Variants in CCDC148 observed in about 807,000 individuals in gnomAD.
CCDC148 encodes coiled-coil domain containing 148.
In CCDC148, 89 loss-of-function variants were observed where a neutral mutation model predicts 85.7. That is an observed-to-expected ratio of 1.04 (90% CI 0.87 to 1.24). CCDC148 has a LOEUF of 1.24. Among genes scored for constraint, CCDC148 ranks in the 50% most tolerant of loss-of-function variants. CCDC148 has a pLI of 0.00. For missense variants in CCDC148, 692 were observed against 671.7 expected (o/e 1.03, Z -0.33); for synonymous variants, 230 against 213.9 (o/e 1.08, Z -0.66).
chr2:158,347,985 G>A (rs1304498867), intron 2 of CCDC148, among the ~76,000 whole-genome samples: 2 of 152,068 alleles, frequency 1.3e-5, no homozygotes, highest in Non-Finnish European at 2.9e-5. Flanking sequence ...AAAACACTGT[G>A]AGGCTACAGA....
At chr2:158,437,427 G>A (rs1441519874) in intron 1 of CCDC148, among the ~76,000 whole-genome samples, 4 of 152,116 alleles carry the variant, frequency 2.6e-5, no homozygotes, top group South Asian at 2.1e-4. Context: ...AAATTCAACA[G>A]CGCTTCATGC....
rs570328147 is a variant in CCDC148, at chr2:158,281,257, A to C, written c.1110+28176T>G. Among the ~76,000 whole-genome samples, 1,460 of 152,268 alleles carry C rather than the reference A, an allele frequency of 9.6e-3. 19 individuals carry two copies. Among genetic ancestry groups the C allele is most frequent in the African/African-American group, 0.033 (1,352 of 41,554 alleles). ...GCAAACACATTCAAAAGCTAGCAGA[A>C]GGCAAGAAATAACGAAAATCAGAGC... On this transcript the variant is annotated intron_variant, in intron 9 of 13. Coordinates refer to ENST00000283233, the MANE Select transcript of CCDC148 (RefSeq NM_138803.4).
chr2:158,247,198 G>C lies in CCDC148; in HGVS notation c.1251+3574C>G, dbSNP rs528745014. Among the ~76,000 whole-genome samples the C allele has an allele frequency of 8.5e-5, 13 of 152,252 alleles. No homozygotes were observed. In the South Asian group the frequency reaches 2.3e-3, roughly 27 times the overall value. ...AAATGGATTTTAAAAGTATGAATAA[G>C]TGAGTTACAGAGAAAGAAAACTCTC... On this transcript the variant is annotated intron_variant, in intron 10 of 13. Transcript: ENST00000283233.
intron 7 of CCDC148, among the ~76,000 whole-genome samples, chr2:158,317,631 T>G (rs994052771): frequency 1.7e-4 from 26 of 152,230 alleles, no homozygotes; most frequent in African/African-American, 6.3e-4. Context: ...GTGGTCCTCA[T>G]AGCCATGTTT....
chr2:158,275,555 G>A (rs2105167131), intron 9 of CCDC148, among the ~76,000 whole-genome samples: 1 of 152,190 alleles, frequency 6.6e-6, no homozygotes, highest in South Asian at 2.1e-4. Context: ...TATGAACAAA[G>A]AGGCCTAACG....
chr2:158,273,995 C>T (rs1689812309), intron 9 of CCDC148, among the ~76,000 whole-genome samples: 1 of 152,192 alleles, frequency 6.6e-6, no homozygotes, highest in African/African-American at 2.4e-5. Context: ...CCAAGGGTTA[C>T]TGGCCTCCAG....
intron 7 of CCDC148, among the ~76,000 whole-genome samples, chr2:158,337,166 C>G (rs902785579): frequency 6.6e-5 from 10 of 152,116 alleles, no homozygotes; most frequent in African/African-American, 2.2e-4. Flanking sequence ...GGAAGAAAGC[C>G]ATTTTAGACT....
At chr2:158,352,979 C>A (rs1683403464) in intron 2 of CCDC148, among the ~76,000 whole-genome samples, 1 of 149,880 alleles carries the variant, frequency 6.7e-6, no homozygotes. Flanking sequence ...CCAAACTAAG[C>A]TTCATAAGTG....
intron 1 of CCDC148, among the ~76,000 whole-genome samples, chr2:158,417,938 A>C (rs1410046653): frequency 6.6e-6 from 1 of 152,208 alleles, no homozygotes; most frequent in East Asian, 1.9e-4. Flanking sequence ...CTGCTCTTAT[A>C]AAACTTTGGC....
At chr2:158,279,196 A>C (rs1690128728) in intron 9 of CCDC148, among the ~76,000 whole-genome samples, 1 of 152,178 alleles carries the variant, frequency 6.6e-6, no homozygotes, top group South Asian at 2.1e-4. Context: ...GAGCAGAAAA[A>C]CTGGAAACTC....
chr2:158,401,405 A>G (rs1407509394), intron 1 of CCDC148, among the ~76,000 whole-genome samples: 1 of 152,176 alleles, frequency 6.6e-6, no homozygotes, highest in Non-Finnish European at 1.5e-5. Context: ...TTGCAGGGAC[A>G]TGGATGAAGC....
At chr2:158,262,686 C>T (rs940684833) in intron 9 of CCDC148, among the ~76,000 whole-genome samples, 9 of 151,666 alleles carry the variant, frequency 5.9e-5, no homozygotes, top group East Asian at 1.9e-4. Context: ...CAAGGGGGGA[C>T]GTGTCACACT....
At chr2:158,252,214 A>G (rs1479554958) in intron 9 of CCDC148, among the ~76,000 whole-genome samples, 4 of 151,786 alleles carry the variant, frequency 2.6e-5, no homozygotes, top group African/African-American at 4.8e-5. Context: ...AATTAAAGTG[A>G]CTCTAAAGTT....
In CCDC148 at chr2:158,183,886, T is replaced by C. The variant is rs937894418; in HGVS notation, c.1371-4890A>G. On this transcript the variant is annotated intron_variant, in intron 11 of 13. Coordinates refer to ENST00000283233, the MANE Select transcript of CCDC148 (RefSeq NM_138803.4). ...TTGGCTCAGATTTTACTCAGGAGGT[T>C]GTTCTTCCTACTAAGCAGAGGGGAC... is the stretch of plus-strand genomic sequence containing the variant. 3.9e-4 allele frequency among the ~76,000 whole-genome samples: 60 copies of C among 152,164 alleles called. 1 individual carries two copies. Among genetic ancestry groups the C allele is most frequent in the Non-Finnish European group, 1.6e-4 (11 of 68,028 alleles).
At chr2:158,308,371 A>G (rs1691798423) in intron 9 of CCDC148, among the ~76,000 whole-genome samples, 1 of 152,234 alleles carries the variant, frequency 6.6e-6, no homozygotes, top group Non-Finnish European at 1.5e-5. Flanking sequence ...ATGGAGAAGA[A>G]ACATGTATTA....
At chr2:158,433,618 T>A (rs191405548) in intron 1 of CCDC148, among the ~76,000 whole-genome samples, 45 of 152,246 alleles carry the variant, frequency 3.0e-4, no homozygotes, top group African/African-American at 1.0e-3. Flanking sequence ...TTCATCTCAC[T>A]GCGGCTTGTC....
intron 11 of CCDC148, among the ~76,000 whole-genome samples, chr2:158,217,336 GTATATATATA>G (rs141810507): frequency 7.3e-6 from 1 of 137,712 alleles, no homozygotes; most frequent in Non-Finnish European, 1.5e-5. Flanking sequence ...ATAATTTTGT[GTATATATATA>G]TATATATATA....
chr2:158,351,726 A>C (rs1683307471), intron 2 of CCDC148, among the ~76,000 whole-genome samples: 1 of 152,136 alleles, frequency 6.6e-6, no homozygotes, highest in South Asian at 2.1e-4. Context: ...AGCCCACCAC[A>C]GCTCAAGGAG....
At chr2:158,362,527 C>T (rs573937536) in intron 1 of CCDC148, among the ~76,000 whole-genome samples, 86 of 152,264 alleles carry the variant, frequency 5.6e-4, no homozygotes, top group African/African-American at 1.9e-3. Context: ...CTCAAAACTG[C>T]ACAACTACAT....
Sources: allele counts gnomAD v4.1 joint callset (sites outside exome capture counted in the v4.1 genomes callset), GRCh38; gene constraint gnomAD v4.1.1; transcripts MANE v1.5; gene names NCBI Gene and HGNC (gene_info 2026-07-23, HGNC 2026-07-21).